CCDC146: variants seen among roughly 807,000 people sequenced by gnomAD.
CCDC146 encodes coiled-coil domain-containing protein 146.
CCDC146 carries 92 observed loss-of-function variants against 119.3 expected under a neutral mutation model. The observed-to-expected ratio is 0.77, with a 90% CI of 0.65 to 0.92. The LOEUF (loss-of-function observed/expected upper bound fraction) is 0.92. Ranked by LOEUF, CCDC146 falls within the 40% of genes least tolerant of loss-of-function variation. The probability of loss-of-function intolerance (pLI) is 0.00; values close to 1 mark genes in which losing one functional copy is unlikely to be tolerated. For missense variants in CCDC146, 1,000 were observed against 1,103.0 expected (o/e 0.91, Z 1.32); for synonymous variants, 372 against 371.8 (o/e 1.00, Z -0.01).
Position 77,196,173 on chromosome 7 carries a change from A to G in CCDC146, c.156+28349A>G. Reference sequence around the variant, plus strand: ...TAGCATAAGAACCTAGCCGTCAGACATCATTTTTTAGCTATGAAAAATATG... The same window carrying G: ...TAGCATAAGAACCTAGCCGTCAGACGTCATTTTTTAGCTATGAAAAATATG... On this transcript the variant is annotated intron_variant, in intron 2 of 18. Coordinates refer to ENST00000285871, the MANE Select transcript of CCDC146 (RefSeq NM_020879.3). This position sits in a 1 kb window ranked among gnomAD's most constrained non-coding sequence, Gnocchi z 4.2. 1 of 796,414 alleles carries G rather than the reference A, an allele frequency of 1.3e-6. No homozygotes were observed. Among genetic ancestry groups the G allele is most frequent in the South Asian group, 1.9e-5 (1 of 53,534 alleles). The allele number at this position is 796,414 out of a possible 1,614,324, so 49.3% of individuals were successfully genotyped here.
chr7:77,160,044 G>A (rs1791235003), intron 1 of CCDC146, among the ~76,000 whole-genome samples: 1 of 151,998 alleles, frequency 6.6e-6, no homozygotes, highest in Admixed American at 6.5e-5. Flanking sequence ...CCCATTGCTT[G>A]TTTTTCTCAG....
chr7:77,216,652 T>C (rs541730075), intron 2 of CCDC146, among the ~76,000 whole-genome samples: 113 of 152,290 alleles, frequency 7.4e-4, no homozygotes, highest in Non-Finnish European at 1.3e-3. Context: ...TGCTGGTGCT[T>C]AACTTGCCTG....
At chr7:77,198,990 A>G in intron 2 of CCDC146, 1 of 597,354 alleles carries the variant, frequency 1.7e-6, no homozygotes, top group East Asian at 2.8e-5. Flanking sequence ...AGAACTAACT[A>G]TGATTTTTGT....
At chr7:77,241,553 A>T in intron 3 of CCDC146, 138 bp from the exon 4 acceptor site, 1 of 702,254 alleles carries the variant, frequency 1.4e-6, no homozygotes, top group Non-Finnish European at 2.5e-6. Context: ...ATGAAGGGTC[A>T]ACTGACTTGG....
At chr7:77,291,664 C>T (rs2150558802) in intron 17 of CCDC146, among the ~76,000 whole-genome samples, 1 of 152,270 alleles carries the variant, frequency 6.6e-6, no homozygotes, top group South Asian at 2.1e-4. Context: ...GCTGAGATCA[C>T]ACCACTGTGC....
At chr7:77,235,565 G>T (rs1792718421) in intron 2 of CCDC146, among the ~76,000 whole-genome samples, 1 of 152,174 alleles carries the variant, frequency 6.6e-6, no homozygotes, top group African/African-American at 2.4e-5. Context: ...TTGGGGTCAG[G>T]CAGGACCTCA....
chr7:77,174,283 G>A (rs1185259387), intron 2 of CCDC146, among the ~76,000 whole-genome samples: 2 of 152,128 alleles, frequency 1.3e-5, no homozygotes, highest in African/African-American at 4.8e-5. Flanking sequence ...TTAGTATCCT[G>A]ATGATACAGG....
intron 9 of CCDC146, among the ~76,000 whole-genome samples, chr7:77,269,330 A>C (rs1341116509): frequency 6.6e-6 from 1 of 151,930 alleles, no homozygotes; most frequent in Non-Finnish European, 1.5e-5. Flanking sequence ...TGAGGCTATT[A>C]ATGATGGTTT....
rs998400365 is a variant in CCDC146 at position 77,196,738 on chromosome 7, A to T, written c.156+28914A>T. 1.2e-6 allele frequency: 2 copies of T among 1,614,016 alleles called. No individual in the cohort carries two copies. The highest frequency in any genetic ancestry group is 1.7e-6 in the Non-Finnish European group (2 of 1,180,004). ...TACTCTTGGTCAGAAGATGAATTTTATCGTTCCCCAGCCAAAATTCCCTTC... is the reference window on the plus strand; with the variant it reads ...TACTCTTGGTCAGAAGATGAATTTTTTCGTTCCCCAGCCAAAATTCCCTTC... On this transcript the variant is annotated intron_variant, in intron 2 of 18. Coordinates refer to ENST00000285871, the MANE Select transcript of CCDC146 (RefSeq NM_020879.3). This position sits in a 1 kb window ranked among gnomAD's most constrained non-coding sequence, Gnocchi z 4.2.
rs1792785065 is a variant in CCDC146, at chr7:77,238,651, T to C, written c.239+1622T>C. Among the ~76,000 whole-genome samples, 3 of 152,304 alleles carry C rather than the reference T, an allele frequency of 2.0e-5. No homozygotes were observed. The East Asian group carries it at 5.8e-4, about 29-fold the overall frequency. ...CCAGGATGGTCTCAATCTCCTGACC[T>C]TGTGATCCTCACGCCTCGGCCTCCC... On this transcript the variant is annotated intron_variant, in intron 3 of 18. Coordinates refer to ENST00000285871, the MANE Select transcript of CCDC146 (RefSeq NM_020879.3).
At chr7:77,249,031 G>A (rs2050798759) in intron 4 of CCDC146, among the ~76,000 whole-genome samples, 2 of 152,164 alleles carry the variant, frequency 1.3e-5, no homozygotes, top group South Asian at 4.1e-4. Context: ...TGGGATTATT[G>A]AGTTTGACTA....
chr7:77,138,044 G>T (rs1790882496), intron 1 of CCDC146, among the ~76,000 whole-genome samples: 1 of 151,798 alleles, frequency 6.6e-6, no homozygotes, highest in South Asian at 2.1e-4. Flanking sequence ...TTCCTGGTTT[G>T]CAGACAACAG....
intron 2 of CCDC146, among the ~76,000 whole-genome samples, chr7:77,178,796 T>C (rs1285922430): frequency 6.6e-6 from 1 of 152,218 alleles, no homozygotes; most frequent in Non-Finnish European, 1.5e-5. Flanking sequence ...TGAGAGAAGG[T>C]TGGCTTTGGA....
intron 9 of CCDC146, among the ~76,000 whole-genome samples, chr7:77,265,751 T>C (rs1793389782): frequency 1.3e-5 from 2 of 152,218 alleles, no homozygotes; most frequent in Admixed American, 6.5e-5. Context: ...AAATCACATA[T>C]TTTTAAGAGA....
intron 1 of CCDC146, among the ~76,000 whole-genome samples, chr7:77,152,744 C>T (rs3095457): frequency 0.12 from 18,923 of 152,130 alleles, 1,756 homozygotes; most frequent in Non-Finnish European, 0.18. Flanking sequence ...TCATCTTTTC[C>T]AGCCTATAGA....
intron 17 of CCDC146, among the ~76,000 whole-genome samples, chr7:77,289,042 G>A (rs1354488083): frequency 6.7e-6 from 1 of 148,494 alleles, no homozygotes; most frequent in East Asian, 1.9e-4. Context: ...AGTGGCAGGT[G>A]TGCAAATCAC....
chr7:77,252,509 A>G (rs1793095088), intron 4 of CCDC146, among the ~76,000 whole-genome samples: 1 of 152,224 alleles, frequency 6.6e-6, no homozygotes, highest in African/African-American at 2.4e-5. Context: ...CAAAAGAAGG[A>G]ATAGAAAAAC....
intron 3 of CCDC146, among the ~76,000 whole-genome samples, chr7:77,238,706 C>T (rs188701790): frequency 5.9e-5 from 9 of 152,194 alleles, no homozygotes; most frequent in South Asian, 2.1e-4. Flanking sequence ...CGTGAGCCAC[C>T]GTGCCCAGCC....
chr7:77,134,693 T>C (rs1790836674), intron 1 of CCDC146, among the ~76,000 whole-genome samples: 1 of 151,742 alleles, frequency 6.6e-6, no homozygotes, highest in East Asian at 1.9e-4. Flanking sequence ...GTTAGGTTAA[T>C]TGGAGAGTCC....
Sources: gnomAD v4.1 joint callset for allele counts (sites outside exome capture counted in the v4.1 genomes callset) on GRCh38, gnomAD v4.1.1 for gene constraint, Gnocchi (gnomAD v3.1) non-coding constraint, MANE v1.5 for transcripts, NCBI Gene and HGNC (gene_info 2026-07-23, HGNC 2026-07-21) for gene names.